Variants in ACSL6 observed in about 807,000 individuals in gnomAD.
The protein encoded by ACSL6 is long-chain-fatty-acid--CoA ligase 6.
In ACSL6, 47 loss-of-function variants were observed where a neutral mutation model predicts 98.2. That is an observed-to-expected ratio of 0.48 (90% CI 0.38 to 0.61). The LOEUF (loss-of-function observed/expected upper bound fraction) is 0.61. ACSL6 is among the 20% of genes least tolerant of loss of function. ACSL6 has a pLI of 0.00. For synonymous variants in ACSL6, 362 were observed against 336.9 expected (o/e 1.07, Z -0.82); for missense variants, 761 against 913.4 (o/e 0.83, Z 2.15).
upstream of ACSL6, chr5:132,011,942 G>A: frequency 1.9e-6 from 3 of 1,549,894 alleles, no homozygotes; most frequent in East Asian, 2.5e-5. This position sits in a 1 kb window ranked among gnomAD's most constrained non-coding sequence, Gnocchi z 5.4. Context: ...CGGCTGGAAG[G>A]GGGAGCACGG....
At chr5:131,963,006 G>A (rs906177733) in intron 17 of ACSL6, among the ~76,000 whole-genome samples, 26 of 151,868 alleles carry the variant, frequency 1.7e-4, no homozygotes, top group African/African-American at 4.8e-4. Flanking sequence ...GAGGCCCACC[G>A]CCCTTCCATC....
Position 131,988,236 on chromosome 5 carries a change from G to A in ACSL6, c.653-10C>T, listed in dbSNP as rs754225638. ...ACGGTGCTGATGTCCGCTGCAGGGG[G>A]CCATCAAGGAGAGTCAGGCCATGTG... is the stretch of plus-strand genomic sequence containing the variant. On this transcript the variant is annotated splice_polypyrimidine_tract_variant and intron_variant, in intron 6 of 20. Transcript: ENST00000651883. 6.2e-7 allele frequency: 1 copy of A among 1,613,526 alleles called. No individual in the cohort carries two copies. The highest frequency in any genetic ancestry group is 1.1e-5 in the South Asian group (1 of 91,028).
intron 9 of ACSL6, among the ~76,000 whole-genome samples, chr5:131,978,781 C>T (rs1419195589): frequency 6.6e-6 from 1 of 152,180 alleles, no homozygotes; most frequent in Admixed American, 6.5e-5. Flanking sequence ...AAGTTGCTCT[C>T]ATAATTATAT....
In ACSL6 at chr5:131,962,517, G is replaced by A; in HGVS notation, c.1857+18C>T. ...CATGCCCAGGATATGTGGGAGGGCT[G>A]AAGCCTAGAGGCCTCACCTTTAAGC... On this transcript the variant is annotated intron_variant, in intron 18 of 20. Coordinates refer to ENST00000651883, the MANE Select transcript of ACSL6 (RefSeq NM_001009185.3). The A allele has an allele frequency of 6.2e-7, 1 of 1,600,552 alleles. No homozygotes were observed. Among genetic ancestry groups the A allele is most frequent in the Non-Finnish European group, 8.5e-7 (1 of 1,170,958 alleles).
chr5:131,991,765 G>A (rs1249597793), intron 2 of ACSL6, among the ~76,000 whole-genome samples: 2 of 152,098 alleles, frequency 1.3e-5, no homozygotes, highest in East Asian at 1.9e-4. Context: ...AGCACTATTT[G>A]AGCTACCCTG....
chr5:131,976,633 TG>T lies in ACSL6; in HGVS notation c.990+14del. On this transcript the variant is annotated intron_variant, in intron 10 of 20. Transcript: ENST00000651883. ...CCTCAAGAGACACCTGCAACAGTAATGCTACTTTATTCACCTCTGTCACTTT... is the reference window on the plus strand; with the variant it reads ...CCTCAAGAGACACCTGCAACAGTAATCTACTTTATTCACCTCTGTCACTTT... The T allele has an allele frequency of 2.5e-6, 4 of 1,610,144 alleles. No homozygotes were observed. Among genetic ancestry groups the T allele is most frequent in the Non-Finnish European group, 3.4e-6 (4 of 1,176,458 alleles).
At chr5:131,991,392 A>T (rs1173725228) in intron 2 of ACSL6, among the ~76,000 whole-genome samples, 6 of 152,170 alleles carry the variant, frequency 3.9e-5, no homozygotes, top group African/African-American at 1.4e-4. Context: ...ATCTACTGCT[A>T]TGCCCCTGAG....
chr5:131,986,566 G>C (rs551478751), intron 8 of ACSL6, among the ~76,000 whole-genome samples: 2 of 152,330 alleles, frequency 1.3e-5, no homozygotes, highest in African/African-American at 4.8e-5. Context: ...TCCCAAAGAA[G>C]TTACTTGAAG....
chr5:131,955,525 G>A (rs1752358420), intron 20 of ACSL6, among the ~76,000 whole-genome samples: 1 of 152,182 alleles, frequency 6.6e-6, no homozygotes, highest in South Asian at 2.1e-4. Flanking sequence ...ATCTGCAGAG[G>A]CCACTGCTGG....
chr5:131,988,813 A>G lies in ACSL6; in HGVS notation c.644T>C (p.Ile215Thr), dbSNP rs777357148. Residue 215 changes from isoleucine (I) to threonine (T), a missense_variant, in exon 6 of 21, where the codon ATC becomes ACC. Ile to Thr is a moderately conservative substitution (Grantham distance 89). Transcript: ENST00000651883. Reference protein sequence around the residue: ...TLGPGAIRYIINTADISTVIV... With the variant: ...TLGPGAIRYITNTADISTVIV... The stretch of plus-strand genomic sequence containing the variant: ...GGTGGCAGTGGGCTTACCTGTATTG[A>G]TGATGTAGCGGATAGCCCCAGGGCC... 6.2e-7 allele frequency: 1 copy of G among 1,613,104 alleles called. No homozygotes were observed. The highest frequency in any genetic ancestry group is 2.2e-5 in the East Asian group (1 of 44,792).
chr5:132,010,201 T>C (rs1391863499), intron 1 of ACSL6, among the ~76,000 whole-genome samples: 1 of 152,180 alleles, frequency 6.6e-6, no homozygotes, highest in African/African-American at 2.4e-5. Flanking sequence ...GAGGCTTCAC[T>C]CACTCTCCCA....
At position 131,954,275 on chromosome 5, in the gene ACSL6, A is replaced by C; in HGVS notation, c.2128T>G (p.Phe710Val). Residue 710 changes from phenylalanine to valine, a missense_variant, in exon 21 of 21, where the codon TTC becomes GTC. By Grantham distance (50) the Phe-to-Val change is conservative. Coordinates refer to ENST00000651883, the MANE Select transcript of ACSL6 (RefSeq NM_001009185.3). ...TAAAGCTCTTCTATTTGTTTTTTGAAGTACTCTCTCAGCTCAGGTCTCTTA... is the reference window on the plus strand; with the variant it reads ...TAAAGCTCTTCTATTTGTTTTTTGACGTACTCTCTCAGCTCAGGTCTCTTA... The part of the protein sequence containing the change: ...KAKRPELREY[F>V]KKQIEELYSI... 1 of 1,613,538 alleles carries C rather than the reference A, an allele frequency of 6.2e-7. No individual in the cohort carries two copies. The highest frequency in any genetic ancestry group is 8.5e-7 in the Non-Finnish European group (1 of 1,179,844).
chr5:131,966,038 C>T (rs543411819), intron 17 of ACSL6, among the ~76,000 whole-genome samples: 8 of 152,324 alleles, frequency 5.3e-5, no homozygotes, highest in Admixed American at 2.0e-4. Context: ...CTTTTGGCTG[C>T]GGGCCAGCAT....
chr5:131,997,867 C>G (rs1754873749), intron 1 of ACSL6, among the ~76,000 whole-genome samples: 1 of 152,218 alleles, frequency 6.6e-6, no homozygotes, highest in South Asian at 2.1e-4. Flanking sequence ...CCTTCTCAGT[C>G]AGAACTGCTT....
chr5:131,996,210 G>A (rs924388965), intron 1 of ACSL6, among the ~76,000 whole-genome samples: 2 of 152,212 alleles, frequency 1.3e-5, no homozygotes, highest in African/African-American at 2.4e-5. Flanking sequence ...GACCATCCTG[G>A]AGGAACAACC....
In ACSL6 at chr5:131,985,447, A is replaced by G; in HGVS notation, c.876T>C (p.Pro292=). The change falls in exon 9 of 21, where the codon CCT becomes CCC. Residue 292 remains proline, a synonymous_variant. Coordinates refer to ENST00000651883, the MANE Select transcript of ACSL6 (RefSeq NM_001009185.3). ...ENHQAPVPPQ[P]DDLSIVCFTS... Reference sequence around the variant, plus strand: ...TGAAACACACAATGGAGAGGTCATCAGGCTGCGGGGGCTGCAGGGGTGAGA... The same window carrying G: ...TGAAACACACAATGGAGAGGTCATCGGGCTGCGGGGGCTGCAGGGGTGAGA... 3.1e-6 allele frequency: 5 copies of G among 1,613,938 alleles called. No homozygotes were observed. The highest frequency in any genetic ancestry group is 4.2e-6 in the Non-Finnish European group (5 of 1,179,982).
intron 20 of ACSL6, among the ~76,000 whole-genome samples, chr5:131,958,495 T>C (rs1279742089): frequency 2.0e-5 from 3 of 152,180 alleles, no homozygotes; most frequent in Non-Finnish European, 4.4e-5. Flanking sequence ...AAAATATTTA[T>C]TTACCCAGGC....
chr5:131,955,468 G>A (rs757493684), intron 20 of ACSL6, among the ~76,000 whole-genome samples: 2 of 152,156 alleles, frequency 1.3e-5, no homozygotes, highest in Admixed American at 6.5e-5. Flanking sequence ...TTGGAAACAG[G>A]TCCCAAGGGA....
In ACSL6 at chr5:131,986,810, G is replaced by A; in HGVS notation, c.864+12C>T. 1 of 1,614,212 alleles carries A rather than the reference G, an allele frequency of 6.2e-7. No individual in the cohort carries two copies. Among genetic ancestry groups the A allele is most frequent in the Non-Finnish European group, 8.5e-7 (1 of 1,180,032 alleles). ...TCTCGCTCAATAAAGACCTGCAGGT[G>A]AATTCGCTTACCACAGGAGCCTGGT... On this transcript the variant is annotated intron_variant, in intron 8 of 20. Transcript: ENST00000651883.
Sources: gnomAD v4.1 joint callset for allele counts (sites outside exome capture counted in the v4.1 genomes callset) on GRCh38, gnomAD v4.1.1 for gene constraint, Gnocchi (gnomAD v3.1) non-coding constraint, MANE v1.5 for transcripts, NCBI Gene and HGNC (gene_info 2026-07-23, HGNC 2026-07-21) for gene names.